Variants in TPPP observed in about 807,000 individuals in gnomAD.
The protein encoded by TPPP is tubulin polymerization promoting protein.
In TPPP, 6 loss-of-function variants were observed where a neutral mutation model predicts 15.5. The observed-to-expected ratio is 0.39, with a 90% CI of 0.21 to 0.77. TPPP has a LOEUF of 0.77. TPPP is among the 30% of genes least tolerant of loss of function. TPPP has a pLI of 0.42. For synonymous variants in TPPP, 146 were observed against 133.9 expected (o/e 1.09, Z -0.63); for missense variants, 269 against 307.2 (o/e 0.88, Z 0.93).
upstream of TPPP, among the ~76,000 whole-genome samples, chr5:697,746 T>C (rs1200807131): frequency 1.3e-5 from 2 of 151,774 alleles, no homozygotes; most frequent in Non-Finnish European, 2.9e-5. Flanking sequence ...CACAGCCAGA[T>C]TCTACCAAAC....
At chr5:674,018 C>CA (rs1228111156) in intron 2 of TPPP, among the ~76,000 whole-genome samples, 1 of 152,266 alleles carries the variant, frequency 6.6e-6, no homozygotes, top group African/African-American at 2.4e-5. Context: ...GAAGGAATCA[C>CA]AGCCGGCACT....
At chr5:699,550 T>C in the TPPP span, among the ~76,000 whole-genome samples, 2 of 152,184 alleles carry the variant, frequency 1.3e-5, no homozygotes, top group Non-Finnish European at 2.9e-5. Flanking sequence ...CTTCTGGACA[T>C]TGGCCTAGGC....
At chr5:675,400 GGCCAGGGGTGCAGTGT>G (rs1290507506) in intron 2 of TPPP, among the ~76,000 whole-genome samples, 7 of 137,566 alleles carry the variant, frequency 5.1e-5, no homozygotes, top group African/African-American at 1.7e-4. Context: ...GGTGCAGTGT[GGCCAGGGGTGCAGTGT>G]GGCCAGGGGT....
At chr5:679,793 G>A (rs1330649653) in intron 1 of TPPP, among the ~76,000 whole-genome samples, 11 of 151,502 alleles carry the variant, frequency 7.3e-5, no homozygotes, top group African/African-American at 2.4e-4. Context: ...CCTGCACCCC[G>A]TGGGGCCCGC....
At position 682,555 on chromosome 5, in the gene TPPP, G is replaced by T. The variant is rs1740656871; in HGVS notation, c.-4-4491C>A. On this transcript the variant is annotated intron_variant, in intron 1 of 3. Coordinates refer to ENST00000360578, the MANE Select transcript of TPPP (RefSeq NM_007030.3). ...CTGGAGCCTATTACTAGGACCTGGG[G>T]TCTGTCACTAGGGCCAGGGGTCTGC... Among the ~76,000 whole-genome samples the T allele has an allele frequency of 3.3e-5, 5 of 150,758 alleles. No homozygotes were observed. The South Asian group carries it at 1.1e-3, about 32-fold the overall frequency.
At chr5:678,813 CAT>C in intron 1 of TPPP, among the ~76,000 whole-genome samples, 1 of 152,306 alleles carries the variant, frequency 6.6e-6, no homozygotes, top group East Asian at 1.9e-4. Context: ...GCGGCTGGGC[CAT>C]GGGGTTGAGA....
intron 1 of TPPP, among the ~76,000 whole-genome samples, chr5:684,888 C>T (rs892639024): frequency 6.6e-6 from 1 of 152,212 alleles, no homozygotes; most frequent in Non-Finnish European, 1.5e-5. Context: ...AGTCTGTGCA[C>T]ATCCCCCTGC....
At chr5:683,763 C>T (rs1327025006) in intron 1 of TPPP, among the ~76,000 whole-genome samples, 1 of 152,290 alleles carries the variant, frequency 6.6e-6, no homozygotes, top group African/African-American at 2.4e-5. Flanking sequence ...AGTATTCAGG[C>T]ATCTCTCAGC....
chr5:669,273 TGGTGAGCCC>T (rs145649492), intron 2 of TPPP, among the ~76,000 whole-genome samples: 45,546 of 151,630 alleles, frequency 0.3, 6,959 homozygotes, highest in South Asian at 0.38. Flanking sequence ...CAGGGGGCGC[TGGTGAGCCC>T]GGTGAGCCGG....
intron 2 of TPPP, among the ~76,000 whole-genome samples, chr5:677,002 G>A (rs1013164419): frequency 3.4e-5 from 5 of 147,052 alleles, no homozygotes; most frequent in African/African-American, 1.3e-4. Context: ...GCGCACACGT[G>A]CACACGCAGA....
upstream of TPPP, among the ~76,000 whole-genome samples, chr5:695,271 CAG>C (rs1740991722): frequency 1.0e-5 from 1 of 95,674 alleles, no homozygotes; most frequent in African/African-American, 3.7e-5. Context: ...TCACCAGAAA[CAG>C]GGGCACAGGA....
At position 668,020 on chromosome 5, in the gene TPPP, GCA is replaced by G. The variant is rs1460162276; in HGVS notation, c.312-1899_312-1898del. ...GGCGCCGTCAGGGAAGTACCGACAA[GCA>G]CACAGAGAGGGGGCCGTGTGGGCGC... On this transcript the variant is annotated intron_variant, in intron 2 of 3. Transcript: ENST00000360578. Among the ~76,000 whole-genome samples the G allele has an allele frequency of 2.5e-3, 109 of 43,946 alleles. 31 individuals carry two copies. Among genetic ancestry groups the G allele is most frequent in the Admixed American group, 0.022 (93 of 4,190 alleles). 28.8% of individuals were successfully genotyped at this position (43,946 alleles called of 152,430 possible).
In TPPP at chr5:688,371, C is replaced by T. The variant is rs532107354; in HGVS notation, c.-5+4907G>A. Among the ~76,000 whole-genome samples, 102 of 145,222 alleles carry T rather than the reference C, an allele frequency of 7.0e-4. 4 individuals are homozygous for T. Among genetic ancestry groups the T allele is most frequent in the Non-Finnish European group, 1.2e-3 (79 of 64,256 alleles). ...AGCACGAGCACCTGGGGCTCCTCGA[C>T]GCAGTGTGGACGGACCACTCGCGCA... On this transcript the variant is annotated intron_variant, in intron 1 of 3. Coordinates refer to ENST00000360578, the MANE Select transcript of TPPP (RefSeq NM_007030.3).
chr5:670,781 G>A (rs537726918), intron 2 of TPPP, among the ~76,000 whole-genome samples: 29 of 152,312 alleles, frequency 1.9e-4, no homozygotes, highest in Non-Finnish European at 2.8e-4. Flanking sequence ...CTAGAGCAAC[G>A]TTTCCCGGGG....
chr5:670,204 G>A (rs1451428242), intron 2 of TPPP, among the ~76,000 whole-genome samples: 12 of 152,178 alleles, frequency 7.9e-5, no homozygotes, highest in South Asian at 2.1e-4. Flanking sequence ...CGGGGCGGAC[G>A]TCACAGGCCC....
intron 1 of TPPP, chr5:692,678 C>T (rs1343895520): frequency 1.0e-6 from 1 of 982,810 alleles, no homozygotes; most frequent in Non-Finnish European, 1.2e-6. Context: ...TCGCCACAGG[C>T]CCGCGGACAG....
At chr5:667,070 C>T (rs1739947485) in intron 2 of TPPP, 1 of 147,276 alleles carries the variant, frequency 6.8e-6, no homozygotes. Context: ...GACAAATGAC[C>T]CATAAAACCC....
intron 3 of TPPP, 92 bp from the exon 4 acceptor site, chr5:665,388 C>T (rs564545828): frequency 5.0e-5 from 60 of 1,211,710 alleles, no homozygotes; most frequent in South Asian, 4.1e-4. Flanking sequence ...GGTCTCCCAG[C>T]GGTGGGGCAC....
At chr5:665,943 C>G (rs1175130998) in intron 3 of TPPP, 27 bp downstream of exon 3, 1 of 1,493,340 alleles carries the variant, frequency 6.7e-7, no homozygotes, top group South Asian at 1.3e-5. Flanking sequence ...CCCTCCAGGC[C>G]CCGCCTTCCA....
Sources: allele counts gnomAD v4.1 joint callset (sites outside exome capture counted in the v4.1 genomes callset), GRCh38; gene constraint gnomAD v4.1.1; transcripts MANE v1.5; gene names NCBI Gene and HGNC (gene_info 2026-07-23, HGNC 2026-07-21).